The following RSBN1L variants were observed in gnomAD, a reference collection of about 807,000 sequenced individuals.
RSBN1L encodes the protein lysine-specific demethylase RSBN1L.
Under a neutral mutation model 67.7 loss-of-function variants are expected in RSBN1L, and 30 were observed. The observed-to-expected ratio is 0.44, with a 90% CI of 0.33 to 0.60. The LOEUF (loss-of-function observed/expected upper bound fraction) is 0.60. Ranked by LOEUF, RSBN1L falls within the 20% of genes least tolerant of loss-of-function variation. The probability of loss-of-function intolerance (pLI) is 0.02; values close to 1 mark genes in which losing one functional copy is unlikely to be tolerated. For missense variants in RSBN1L, 992 were observed against 1,031.7 expected (o/e 0.96, Z 0.53); for synonymous variants, 433 against 387.0 (o/e 1.12, Z -1.39).
At chr7:77,769,107 G>C (rs1791812401) in intron 5 of RSBN1L, among the ~76,000 whole-genome samples, 3 of 152,170 alleles carry the variant, frequency 2.0e-5, no homozygotes. Context: ...ATGTTTTGTG[G>C]AGGATATAAA....
chr7:77,730,631 T>A (rs1377958111), intron 1 of RSBN1L, among the ~76,000 whole-genome samples: 1 of 152,230 alleles, frequency 6.6e-6, no homozygotes, highest in Non-Finnish European at 1.5e-5. Context: ...TTCCACAGCG[T>A]CATATGGTTA....
intron 1 of RSBN1L, among the ~76,000 whole-genome samples, chr7:77,729,693 C>T (rs930191600): frequency 1.3e-5 from 2 of 152,180 alleles, no homozygotes; most frequent in Non-Finnish European, 2.9e-5. Context: ...TGGCTCACCA[C>T]TGTAATCCCA....
chr7:77,719,186 A>G (rs1222995167), intron 1 of RSBN1L, among the ~76,000 whole-genome samples: 1 of 152,222 alleles, frequency 6.6e-6, no homozygotes, highest in Non-Finnish European at 1.5e-5. Flanking sequence ...GGAAAATTTC[A>G]CTTGGAGCAC....
chr7:77,719,139 T>C (rs1163176599), intron 1 of RSBN1L, among the ~76,000 whole-genome samples: 1 of 152,216 alleles, frequency 6.6e-6, no homozygotes, highest in East Asian at 1.9e-4. Flanking sequence ...AATTTCTCAC[T>C]GCACATACAT....
At chr7:77,776,132 G>A (rs1791911852) in intron 6 of RSBN1L, among the ~76,000 whole-genome samples, 1 of 152,094 alleles carries the variant, frequency 6.6e-6, no homozygotes, top group Non-Finnish European at 1.5e-5. Flanking sequence ...CAACTTTGTT[G>A]ATAGTGAATG....
intron 1 of RSBN1L, among the ~76,000 whole-genome samples, chr7:77,722,038 AGT>A (rs945432233): frequency 3.0e-4 from 45 of 152,336 alleles, no homozygotes; most frequent in African/African-American, 1.1e-3. Context: ...CAAGTGATTT[AGT>A]GTTAGGGGAA....
intron 6 of RSBN1L, among the ~76,000 whole-genome samples, chr7:77,776,922 T>G (rs980261346): frequency 2.6e-5 from 4 of 151,988 alleles, no homozygotes; most frequent in African/African-American, 9.6e-5. Context: ...ATTAGTAAAT[T>G]TGGTTTTAAA....
intron 1 of RSBN1L, among the ~76,000 whole-genome samples, chr7:77,707,018 C>G (rs1430595665): frequency 1.3e-5 from 2 of 150,048 alleles, no homozygotes; most frequent in East Asian, 2.0e-4. Context: ...TCCCATTAAA[C>G]TAGATTTTTT....
At chr7:77,728,150 G>A (rs1391210907) in intron 1 of RSBN1L, among the ~76,000 whole-genome samples, 2 of 152,006 alleles carry the variant, frequency 1.3e-5, no homozygotes, top group African/African-American at 2.4e-5. Flanking sequence ...TGGGTCCTCC[G>A]ATCTCACATT....
At chr7:77,766,664 CCT>C (rs1791769714) in intron 4 of RSBN1L, among the ~76,000 whole-genome samples, 1 of 152,014 alleles carries the variant, frequency 6.6e-6, no homozygotes, top group African/African-American at 2.4e-5. Flanking sequence ...ATGCTGCAAA[CCT>C]ACACTGAAAT....
rs1018333864 is a variant in RSBN1L at position 77,779,741 on chromosome 7, A to G, written c.*573A>G. The G allele has an allele frequency of 2.0e-5, 3 of 151,134 alleles. No homozygotes were observed. The highest frequency in any genetic ancestry group is 4.9e-5 in the African/African-American group (2 of 41,042). 9.4% of individuals were successfully genotyped at this position (151,134 alleles called of 1,614,324 possible). On this transcript the variant is annotated 3_prime_UTR_variant, in exon 8 of 8. Coordinates refer to ENST00000334955, the MANE Select transcript of RSBN1L (RefSeq NM_198467.3). Reference sequence around the variant, plus strand: ...ATAATGATTCTCTGCTGGTATATCTATTTAGTGTGGTATTGTAGTGCAAAT... The same window carrying G: ...ATAATGATTCTCTGCTGGTATATCTGTTTAGTGTGGTATTGTAGTGCAAAT...
At chr7:77,765,206 A>G (rs1791745622) in intron 3 of RSBN1L, among the ~76,000 whole-genome samples, 1 of 152,226 alleles carries the variant, frequency 6.6e-6, no homozygotes, top group African/African-American at 2.4e-5. Context: ...TTAGTTGTCT[A>G]GAATTAATGC....
chr7:77,759,687 A>G (rs1333127191), intron 3 of RSBN1L: 1 of 152,198 alleles, frequency 6.6e-6, no homozygotes, highest in African/African-American at 2.4e-5. Context: ...ATTGGTGCTG[A>G]TACAAGCTAA....
intron 1 of RSBN1L, among the ~76,000 whole-genome samples, chr7:77,730,565 C>G (rs1469211195): frequency 6.6e-6 from 1 of 152,188 alleles, no homozygotes; most frequent in Non-Finnish European, 1.5e-5. Context: ...CCCTCCTCCC[C>G]ACTATACCCT....
chr7:77,775,688 T>C (rs1018548693), intron 6 of RSBN1L, among the ~76,000 whole-genome samples: 4 of 152,216 alleles, frequency 2.6e-5, no homozygotes, highest in African/African-American at 7.2e-5. Context: ...TTCTGTATGA[T>C]TTTAGTGCTT....
chr7:77,716,933 C>T (rs973899552), intron 1 of RSBN1L, among the ~76,000 whole-genome samples: 4 of 150,966 alleles, frequency 2.6e-5, no homozygotes, highest in Non-Finnish European at 5.9e-5. Flanking sequence ...GCATGAGCCA[C>T]TGTGCCTGGC....
intron 5 of RSBN1L, among the ~76,000 whole-genome samples, chr7:77,770,575 C>T (rs745636970): frequency 4.0e-5 from 6 of 151,036 alleles, no homozygotes; most frequent in Non-Finnish European, 7.4e-5. Flanking sequence ...CCTAGCTACT[C>T]GGAAGGCTGA....
At chr7:77,768,498 G>C (rs1386397377) in intron 4 of RSBN1L, 163 bp from the exon 5 acceptor site, 1 of 635,304 alleles carries the variant, frequency 1.6e-6, no homozygotes, top group African/African-American at 1.8e-5. Flanking sequence ...TTGAAGCAAA[G>C]TATATCAATA....
chr7:77,699,750 T>C (rs1371794537), intron 1 of RSBN1L, among the ~76,000 whole-genome samples: 1 of 152,092 alleles, frequency 6.6e-6, no homozygotes, highest in Non-Finnish European at 1.5e-5. Flanking sequence ...ACTCACCAAG[T>C]AAAAGTTAAA....
Sources: allele counts gnomAD v4.1 joint callset (sites outside exome capture counted in the v4.1 genomes callset), GRCh38; gene constraint gnomAD v4.1.1; transcripts MANE v1.5; gene names NCBI Gene and HGNC (gene_info 2026-07-23, HGNC 2026-07-21).